Variants in DCDC2C observed in about 807,000 individuals in gnomAD.
The protein encoded by DCDC2C is doublecortin domain containing 2C, also known as doublecortin domain-containing protein 2C.
In DCDC2C, 44 loss-of-function variants were observed where a neutral mutation model predicts 45.0. That is an observed-to-expected ratio of 0.98 (90% CI 0.77 to 1.26). DCDC2C has a LOEUF of 1.26. DCDC2C is among the 50% of genes most tolerant of loss of function. The probability of loss-of-function intolerance (pLI) is 0.00; values close to 1 mark genes in which losing one functional copy is unlikely to be tolerated. For synonymous variants in DCDC2C, 187 were observed against 178.8 expected (o/e 1.05, Z -0.37); for missense variants, 447 against 468.9 (o/e 0.95, Z 0.43).
chr2:3,742,111 A>G, intron 4 of DCDC2C, 63 bp downstream of exon 4: 1 of 1,455,488 alleles, frequency 6.9e-7, no homozygotes, highest in Non-Finnish European at 9.1e-7. Context: ...TCTTTCTATG[A>G]GAGTTTTCTG....
chr2:3,778,745 A>T, intron 8 of DCDC2C, 71 bp from the exon 9 acceptor site: 1 of 1,443,324 alleles, frequency 6.9e-7, no homozygotes, highest in Non-Finnish European at 9.5e-7. Context: ...GCACTATTTC[A>T]CGTGCTCTCT....
chr2:3,720,438 T>C (rs971695459), intron 2 of DCDC2C, among the ~76,000 whole-genome samples: 3 of 152,180 alleles, frequency 2.0e-5, no homozygotes, highest in Non-Finnish European at 4.4e-5. Context: ...GGAGGTCAGA[T>C]GACAGTAGCT....
At chr2:3,779,736 G>A (rs960855404) in intron 9 of DCDC2C, among the ~76,000 whole-genome samples, 5 of 152,146 alleles carry the variant, frequency 3.3e-5, no homozygotes, top group African/African-American at 9.6e-5. Context: ...CTCCAGGGCT[G>A]TAAACAGGCG....
intron 3 of DCDC2C, among the ~76,000 whole-genome samples, chr2:3,732,500 C>G (rs1340109963): frequency 6.6e-6 from 1 of 152,046 alleles, no homozygotes; most frequent in Admixed American, 6.6e-5. Context: ...CAGCAATGAA[C>G]AAAACAGCAC....
At chr2:3,705,044 A>C (rs531598690) in intron 1 of DCDC2C, among the ~76,000 whole-genome samples, 5 of 152,332 alleles carry the variant, frequency 3.3e-5, no homozygotes, top group Admixed American at 1.3e-4. Context: ...GCTGAGATAA[A>C]AGTGAGATTC....
chr2:3,704,011 C>T lies in DCDC2C; in HGVS notation c.260C>T (p.Ala87Val). ...CAGGCGGGCGGCAAGTACGTGGCGG[C>T]GGGCCGCGAGCGCTTCAAGGAGCTC... ...ALQAGGKYVA[A>V]GRERFKELDY... Residue 87 changes from alanine to valine, a missense_variant, in exon 1 of 11, where the codon GCG becomes GTG. Transcript: ENST00000399143. The T allele has an allele frequency of 3.1e-6, 4 of 1,284,792 alleles. No homozygotes were observed. Among genetic ancestry groups the T allele is most frequent in the South Asian group, 2.4e-5 (1 of 41,874 alleles). 79.6% of individuals were successfully genotyped at this position (1,284,792 alleles called of 1,614,324 possible). A position where few individuals can be genotyped will look rare whatever the true frequency, so the allele number is the denominator to read the frequency against.
chr2:3,764,617 C>T (rs1669969676), intron 6 of DCDC2C, among the ~76,000 whole-genome samples: 1 of 152,214 alleles, frequency 6.6e-6, no homozygotes, highest in African/African-American at 2.4e-5. Flanking sequence ...GTCCATTGAA[C>T]CTCTTTTTCT....
At chr2:3,716,563 T>G (rs1301156807) in intron 2 of DCDC2C, among the ~76,000 whole-genome samples, 2 of 151,796 alleles carry the variant, frequency 1.3e-5, no homozygotes, top group East Asian at 3.9e-4. Context: ...AGGAGAGAAA[T>G]GTAGAGGTAA....
intron 3 of DCDC2C, among the ~76,000 whole-genome samples, chr2:3,739,573 C>CA (rs1364498446): frequency 1.3e-5 from 2 of 152,234 alleles, no homozygotes; most frequent in African/African-American, 4.8e-5. Context: ...CAGAACGACA[C>CA]AGAGTTTGGC....
rs201004026 is a variant in DCDC2C, at chr2:3,752,877, A to G, written c.660A>G (p.Pro220=). 8.3e-4 allele frequency: 1,288 copies of G among 1,550,556 alleles called. 1 individual carries two copies. Among genetic ancestry groups the G allele is most frequent in the Admixed American group, 1.2e-3 (63 of 50,998 alleles). The change falls in exon 5 of 11, where the codon CCA becomes CCG. Residue 220 remains proline (P), a synonymous_variant. Coordinates refer to ENST00000399143, the MANE Select transcript of DCDC2C (RefSeq NM_001287444.2). ...TFKYFPYWKS[P]RVPSEVQQRY... is the part of the protein sequence containing the mutation. The stretch of plus-strand genomic sequence containing the variant: ...AATATTTTCCTTACTGGAAGTCTCC[A>G]AGGGTGCCCAGTGAGGTCCAACAGT...
intron 8 of DCDC2C, among the ~76,000 whole-genome samples, chr2:3,776,970 A>C (rs1670359543): frequency 6.6e-6 from 1 of 151,912 alleles, no homozygotes; most frequent in Non-Finnish European, 1.5e-5. Flanking sequence ...CTGTAGTTTT[A>C]CCTCCTGAAT....
chr2:3,717,121 G>A (rs1668371027), intron 2 of DCDC2C, among the ~76,000 whole-genome samples: 1 of 151,918 alleles, frequency 6.6e-6, no homozygotes, highest in Non-Finnish European at 1.5e-5. Flanking sequence ...TTTGAACACT[G>A]CTGTTTTGTA....
intron 10 of DCDC2C, among the ~76,000 whole-genome samples, chr2:3,795,045 A>G (rs1670918437): frequency 6.6e-6 from 1 of 152,072 alleles, no homozygotes; most frequent in Admixed American, 6.5e-5. Flanking sequence ...TGACTTTTTA[A>G]TGATTGCCAT....
At chr2:3,792,624 A>C (rs892312052) in intron 10 of DCDC2C, among the ~76,000 whole-genome samples, 2 of 152,202 alleles carry the variant, frequency 1.3e-5, no homozygotes, top group Non-Finnish European at 2.9e-5. Flanking sequence ...TTGTAAATAT[A>C]AATTTTGGAC....
chr2:3,724,291 G>A (rs115273104), intron 2 of DCDC2C, among the ~76,000 whole-genome samples: 3,066 of 152,222 alleles, frequency 0.02, 32 homozygotes, highest in Middle Eastern at 0.031. Flanking sequence ...CTGTGTTCTC[G>A]CTGCCTCTCG....
At chr2:3,793,368 G>A (rs370693264) in intron 10 of DCDC2C, among the ~76,000 whole-genome samples, 7 of 152,310 alleles carry the variant, frequency 4.6e-5, no homozygotes, top group African/African-American at 9.6e-5. Flanking sequence ...CTTCTGCATC[G>A]GAAGCCTGTG....
At chr2:3,814,060 C>T (rs951695375) in intron 10 of DCDC2C, among the ~76,000 whole-genome samples, 9 of 151,952 alleles carry the variant, frequency 5.9e-5, no homozygotes, top group Non-Finnish European at 1.2e-4. Context: ...ATGTTTTTTC[C>T]TTTCCATATT....
At chr2:3,765,303 G>A (rs997930318) in intron 6 of DCDC2C, among the ~76,000 whole-genome samples, 8 of 152,228 alleles carry the variant, frequency 5.3e-5, no homozygotes, top group African/African-American at 1.9e-4. Flanking sequence ...CATATTGAGA[G>A]CTGACTCTTT....
In DCDC2C at chr2:3,847,239, A is replaced by G. The variant is rs938827233; in HGVS notation, c.*56A>G. On this transcript the variant is annotated 3_prime_UTR_variant, in exon 11 of 11. Transcript: ENST00000399143. The stretch of plus-strand genomic sequence containing the variant: ...ACTTTTCTTCAACCATGGGGCTTCC[A>G]CGTCACATATGGACATTTTAACAGC... 2 of 1,142,178 alleles carry G rather than the reference A, an allele frequency of 1.8e-6. No homozygotes were observed. The highest frequency in any genetic ancestry group is 2.2e-6 in the Non-Finnish European group (2 of 906,252). The allele number at this position is 1,142,178 out of a possible 1,614,324, so 70.8% of individuals were successfully genotyped here.
Sources: gnomAD v4.1 joint callset for allele counts (sites outside exome capture counted in the v4.1 genomes callset) on GRCh38, gnomAD v4.1.1 for gene constraint, MANE v1.5 for transcripts, NCBI Gene and HGNC (gene_info 2026-07-23, HGNC 2026-07-21) for gene names.